Variants in MAGI2 observed in about 807,000 individuals in gnomAD.
MAGI2 encodes the protein membrane-associated guanylate kinase, WW and PDZ domain-containing protein 2.
Under a neutral mutation model 133.3 loss-of-function variants are expected in MAGI2, and 35 were observed. That is an observed-to-expected ratio of 0.26 (90% CI 0.20 to 0.35). The LOEUF (loss-of-function observed/expected upper bound fraction) is 0.35, where lower values mean the gene tolerates loss of function less well. MAGI2 is among the 10% of genes least tolerant of loss of function. The probability of loss-of-function intolerance (pLI) is 1.00; values close to 1 mark genes in which losing one functional copy is unlikely to be tolerated. For missense variants in MAGI2, 1,636 were observed against 1,863.4 expected (o/e 0.88, Z 2.25); for synonymous variants, 729 against 710.6 (o/e 1.03, Z -0.41).
chr7:78,928,681 C>T (rs1462309548), intron 2 of MAGI2, among the ~76,000 whole-genome samples: 4 of 152,064 alleles, frequency 2.6e-5, no homozygotes, highest in African/African-American at 4.8e-5. Context: ...GGGTATGATG[C>T]TTCTGCTTTG....
intron 3 of MAGI2, among the ~76,000 whole-genome samples, chr7:78,626,904 T>G (rs1224638728): frequency 2.7e-5 from 4 of 150,744 alleles, no homozygotes; most frequent in African/African-American, 9.7e-5. Flanking sequence ...ATATAAAATA[T>G]AAAATATTTA....
At chr7:78,650,937 C>G (rs1325069982) in intron 2 of MAGI2, among the ~76,000 whole-genome samples, 1 of 152,124 alleles carries the variant, frequency 6.6e-6, no homozygotes, top group African/African-American at 2.4e-5. Context: ...AAAACAGCTC[C>G]TCAAAAACTA....
intron 9 of MAGI2, among the ~76,000 whole-genome samples, chr7:78,311,213 A>G (rs1411899487): frequency 6.6e-6 from 1 of 152,218 alleles, no homozygotes; most frequent in Non-Finnish European, 1.5e-5. Context: ...AAAACAGAAG[A>G]TGGAGTGAGA....
chr7:78,900,191 C>T (rs1797515038), intron 2 of MAGI2, among the ~76,000 whole-genome samples: 1 of 152,158 alleles, frequency 6.6e-6, no homozygotes, highest in South Asian at 2.1e-4. Context: ...AAGATGGACC[C>T]TTACTCACTA....
intron 2 of MAGI2, among the ~76,000 whole-genome samples, chr7:78,798,175 C>T (rs2151381112): frequency 6.6e-6 from 1 of 152,224 alleles, no homozygotes; most frequent in East Asian, 1.9e-4. Flanking sequence ...AGGCTGCATT[C>T]TGGATTGGCA....
chr7:78,418,376 G>T (rs1463154555), intron 6 of MAGI2, among the ~76,000 whole-genome samples: 1 of 152,054 alleles, frequency 6.6e-6, no homozygotes. Flanking sequence ...CTAGAAGGCA[G>T]GAAAGGTGAA....
At chr7:78,672,174 G>A (rs1041231835) in intron 2 of MAGI2, among the ~76,000 whole-genome samples, 8 of 152,112 alleles carry the variant, frequency 5.3e-5, no homozygotes, top group African/African-American at 1.9e-4. Flanking sequence ...GGGGCCTAGT[G>A]GGAAATGTTT....
intron 21 of MAGI2, among the ~76,000 whole-genome samples, chr7:78,050,123 G>T (rs1039575248): frequency 1.4e-4 from 21 of 152,232 alleles, no homozygotes; most frequent in Non-Finnish European, 1.5e-4. Flanking sequence ...AGATGGTCCA[G>T]ATTTTCTATT....
chr7:78,667,131 T>C (rs915785251), intron 2 of MAGI2, among the ~76,000 whole-genome samples: 2 of 151,980 alleles, frequency 1.3e-5, no homozygotes, highest in African/African-American at 4.8e-5. Flanking sequence ...CCCCCAATAG[T>C]AACATCCTTC....
At chr7:78,418,485 T>C (rs574562544) in intron 6 of MAGI2, among the ~76,000 whole-genome samples, 4 of 152,272 alleles carry the variant, frequency 2.6e-5, no homozygotes, top group South Asian at 2.1e-4. Context: ...TCTATGATGA[T>C]GGAAATGCTA....
intron 3 of MAGI2, among the ~76,000 whole-genome samples, chr7:78,536,950 C>T (rs1798003693): frequency 6.6e-6 from 1 of 151,940 alleles, no homozygotes; most frequent in African/African-American, 2.4e-5. Flanking sequence ...AGTCTTTTAT[C>T]CCTTGCTCCT....
chr7:78,899,604 G>GTACA (rs1406411146), intron 2 of MAGI2, among the ~76,000 whole-genome samples: 1 of 150,724 alleles, frequency 6.6e-6, no homozygotes, highest in Non-Finnish European at 1.5e-5. Context: ...TATAATGTGT[G>GTACA]TACTGCAGAG....
chr7:79,447,326 A>C (rs934961487), intron 1 of MAGI2, among the ~76,000 whole-genome samples: 1 of 152,164 alleles, frequency 6.6e-6, no homozygotes, highest in African/African-American at 2.4e-5. Context: ...AATATAACAA[A>C]TACTTACTAG....
At chr7:79,318,666 T>C (rs10953834) in intron 1 of MAGI2, among the ~76,000 whole-genome samples, 128,117 of 152,174 alleles carry the variant, frequency 0.84, 54,023 homozygotes, top group Middle Eastern at 0.86. Context: ...TATTTATGGA[T>C]TCTCTTGTAC....
chr7:78,102,770 G>A (rs748711783), intron 20 of MAGI2, among the ~76,000 whole-genome samples: 1 of 152,220 alleles, frequency 6.6e-6, no homozygotes, highest in Non-Finnish European at 1.5e-5. Flanking sequence ...GCAGTGGAAA[G>A]TCTTTTATAA....
In MAGI2 at chr7:78,454,120, A is replaced by G. The variant is rs76434375; in HGVS notation, c.1045+35641T>C. Among the ~76,000 whole-genome samples the G allele has an allele frequency of 9.8e-5, 15 of 152,292 alleles. No individual in the cohort carries two copies. The East Asian group carries it at 2.1e-3, about 22-fold the overall frequency. On this transcript the variant is annotated intron_variant, in intron 6 of 21. Transcript: ENST00000354212. ...CCATGTGCCCGAAACTGACCTGTCTACCATTCTCTACATATACCCTGACTA... is the reference window on the plus strand; with the variant it reads ...CCATGTGCCCGAAACTGACCTGTCTGCCATTCTCTACATATACCCTGACTA...
chr7:78,019,268 A>G lies in MAGI2; in HGVS notation c.*47T>C. 1 of 1,572,904 alleles carries G rather than the reference A, an allele frequency of 6.4e-7. No homozygotes were observed. Among genetic ancestry groups the G allele is most frequent in the Middle Eastern group, 1.7e-4 (1 of 6,004 alleles). ...AAAACGCCGTGAGACGGAACCTAAG[A>G]AGAACTGCCTGCGCCGGGGCGGGCG... is the stretch of plus-strand genomic sequence containing the variant. On this transcript the variant is annotated 3_prime_UTR_variant, in exon 22 of 22. Transcript: ENST00000354212.
chr7:78,471,340 T>G (rs2150424525), intron 6 of MAGI2, among the ~76,000 whole-genome samples: 1 of 152,208 alleles, frequency 6.6e-6, no homozygotes, highest in Middle Eastern at 3.4e-3. Flanking sequence ...AATTAACTGA[T>G]CAAAAGTTTA....
intron 2 of MAGI2, among the ~76,000 whole-genome samples, chr7:78,826,723 T>C (rs1053515364): frequency 6.6e-6 from 1 of 152,156 alleles, no homozygotes; most frequent in African/African-American, 2.4e-5. Context: ...AACATTTAAC[T>C]GCATTACAAA....
Sources: allele counts gnomAD v4.1 joint callset (sites outside exome capture counted in the v4.1 genomes callset), GRCh38; gene constraint gnomAD v4.1.1; transcripts MANE v1.5; gene names NCBI Gene and HGNC (gene_info 2026-07-23, HGNC 2026-07-21).